ARHGAP12: variants seen among roughly 807,000 people sequenced by gnomAD.
ARHGAP12 encodes rho GTPase-activating protein 12.
In ARHGAP12, 64 loss-of-function variants were observed where a neutral mutation model predicts 108.6. The ratio of observed to expected loss-of-function variants is 0.59; its 90% CI spans 0.48 to 0.73. ARHGAP12 has a LOEUF of 0.73. ARHGAP12 is among the 30% of genes least tolerant of loss of function. The pLI, the probability that ARHGAP12 is intolerant of heterozygous loss-of-function variation, is 0.00. For missense variants in ARHGAP12, 940 were observed against 1,005.9 expected (o/e 0.93, Z 0.89); for synonymous variants, 312 against 337.2 (o/e 0.93, Z 0.82).
intron 1 of ARHGAP12, among the ~76,000 whole-genome samples, chr10:31,926,098 A>C (rs1008453188): frequency 6.6e-6 from 1 of 152,214 alleles, no homozygotes; most frequent in Non-Finnish European, 1.5e-5. Flanking sequence ...GACCAAGTGG[A>C]TATTAGAAGT....
chr10:31,831,730 T>C lies in ARHGAP12; in HGVS notation c.1448+9A>G, dbSNP rs756823409. 7.1e-6 allele frequency: 11 copies of C among 1,546,618 alleles called. No homozygotes were observed. The African/African-American group carries it at 1.1e-4, about 15-fold the overall frequency. On this transcript the variant is annotated intron_variant, in intron 10 of 19. Transcript: ENST00000344936. ...ATCATGTAAGAACATTAAAGACTTG[T>C]GTACTTACCGAACCTTTTTCCCATT...
intron 3 of ARHGAP12, among the ~76,000 whole-genome samples, chr10:31,882,191 T>C (rs1340851283): frequency 6.6e-6 from 1 of 152,228 alleles, no homozygotes; most frequent in Non-Finnish European, 1.5e-5. Flanking sequence ...TAGATGTTTT[T>C]ATATCAGATG....
In ARHGAP12 at chr10:31,875,006, T is replaced by A. The variant is rs61843857; in HGVS notation, c.685-13348A>T. On this transcript the variant is annotated intron_variant, in intron 3 of 19. Transcript: ENST00000344936. Reference sequence around the variant, plus strand: ...AAAAAAAAAAAAAAAAAAAAAATTTTCACACACATACTCATGTATCTGCCA... The same window carrying A: ...AAAAAAAAAAAAAAAAAAAAAATTTACACACACATACTCATGTATCTGCCA... Among the ~76,000 whole-genome samples, 21 of 119,172 alleles carry A rather than the reference T, an allele frequency of 1.8e-4. No individual in the cohort carries two copies. The East Asian group carries it at 6.9e-3, about 39-fold the overall frequency. The allele number at this position is 119,172 out of a possible 152,430, so 78.2% of individuals were successfully genotyped here. A position where few individuals can be genotyped will look rare whatever the true frequency, so the allele number is the denominator to read the frequency against.
intron 3 of ARHGAP12, among the ~76,000 whole-genome samples, chr10:31,905,957 C>A (rs1050733548): frequency 5.3e-5 from 8 of 152,124 alleles, no homozygotes; most frequent in African/African-American, 1.2e-4. Flanking sequence ...CTGATATGCA[C>A]ACCCCTGTGT....
intron 11 of ARHGAP12, among the ~76,000 whole-genome samples, chr10:31,825,594 C>T (rs1007522518): frequency 2.6e-5 from 4 of 152,188 alleles, no homozygotes; most frequent in Middle Eastern, 6.8e-3. Flanking sequence ...CTCATTTTCT[C>T]ATCTATGACG....
intron 3 of ARHGAP12, among the ~76,000 whole-genome samples, chr10:31,869,861 A>G (rs1373784457): frequency 6.6e-6 from 1 of 152,168 alleles, no homozygotes; most frequent in Non-Finnish European, 1.5e-5. Context: ...TTTACTTTTG[A>G]CATTAGTTCA....
chr10:31,920,098 T>C, intron 1 of ARHGAP12, among the ~76,000 whole-genome samples: 1 of 145,476 alleles, frequency 6.9e-6, no homozygotes, highest in African/African-American at 2.5e-5. Context: ...AGAGCAAGAC[T>C]CTGTCTCAAA....
At chr10:31,809,459 A>G in intron 16 of ARHGAP12, 152 bp from the exon 17 acceptor site, 2 of 669,966 alleles carry the variant, frequency 3.0e-6, no homozygotes, top group East Asian at 5.6e-5. Context: ...CTTCTGGTAG[A>G]TGCTTGGCAG....
intron 11 of ARHGAP12, among the ~76,000 whole-genome samples, chr10:31,824,473 A>G (rs1304543712): frequency 6.6e-5 from 10 of 152,178 alleles, no homozygotes; most frequent in Non-Finnish European, 1.5e-4. Context: ...CTATTGCCAC[A>G]TGGTAACAAA....
At chr10:31,913,634 CAA>C (rs111394509) in intron 1 of ARHGAP12, 27 of 92,742 alleles carry the variant, frequency 2.9e-4, no homozygotes, top group Non-Finnish European at 3.6e-4. Flanking sequence ...CCTGATGCTG[CAA>C]AAAAAAAAAA....
At chr10:31,917,495 A>G (rs1314913792) in intron 1 of ARHGAP12, among the ~76,000 whole-genome samples, 1 of 152,228 alleles carries the variant, frequency 6.6e-6, no homozygotes, top group Non-Finnish European at 1.5e-5. Context: ...TCTAGAAGAA[A>G]AACATTCACT....
At position 31,908,313 on chromosome 10, in the gene ARHGAP12, G is replaced by A. The variant is rs747315317; in HGVS notation, c.543C>T (p.Pro181=). 1.5e-5 allele frequency: 25 copies of A among 1,613,948 alleles called. No individual in the cohort carries two copies. The highest frequency in any genetic ancestry group is 6.7e-5 in the East Asian group (3 of 44,890). ...TCTCTACATCCAAGAACTCTGGACCGGGAAAATGACCAAATGAGCGTGTCC... is the reference window on the plus strand; with the variant it reads ...TCTCTACATCCAAGAACTCTGGACCAGGAAAATGACCAAATGAGCGTGTCC... The part of the protein sequence containing the change: ...QNRTRSFGHF[P]GPEFLDVEKT... Residue 181 remains proline, a synonymous_variant, in exon 3 of 20, where the codon CCC becomes CCT. Transcript: ENST00000344936.
intron 1 of ARHGAP12, among the ~76,000 whole-genome samples, chr10:31,914,883 T>A (rs1420512291): frequency 6.6e-6 from 1 of 152,212 alleles, no homozygotes; most frequent in Non-Finnish European, 1.5e-5. Context: ...GATATAGAAT[T>A]AATCTAACTG....
In ARHGAP12 at chr10:31,923,132, GAA is replaced by G. The variant is rs58930834; in HGVS notation, c.-111+5549_-111+5550del. Among the ~76,000 whole-genome samples, 200 of 83,212 alleles carry G rather than the reference GAA, an allele frequency of 2.4e-3. 1 individual carries two copies. The highest frequency in any genetic ancestry group is 0.01 in the African/African-American group (187 of 18,130). The allele number at this position is 83,212 out of a possible 152,430, so 54.6% of individuals were successfully genotyped here. On this transcript the variant is annotated intron_variant, in intron 1 of 19. Transcript: ENST00000344936. ...GGGTGACAGAGCAAGACCCTAACAG[GAA>G]AAAAAAAAAAAAAAAAAACAGGCAA...
At chr10:31,886,625 T>C (rs2799033) in intron 3 of ARHGAP12, among the ~76,000 whole-genome samples, 2 of 152,064 alleles carry the variant, frequency 1.3e-5, no homozygotes, top group African/African-American at 4.8e-5. Flanking sequence ...TATACTCCAA[T>C]GTACAGTAAA....
At chr10:31,818,503 T>TAAAATTAAA (rs1405341057) in intron 12 of ARHGAP12, among the ~76,000 whole-genome samples, 8 of 152,156 alleles carry the variant, frequency 5.3e-5, no homozygotes, top group African/African-American at 1.9e-4. Flanking sequence ...ATGTACAATC[T>TAAAATTAAA]CTGTTTTGCA....
At chr10:31,883,488 T>C (rs1433374850) in intron 3 of ARHGAP12, among the ~76,000 whole-genome samples, 1 of 152,176 alleles carries the variant, frequency 6.6e-6, no homozygotes, top group Non-Finnish European at 1.5e-5. Context: ...ACTAACATAG[T>C]AGAGGTATTT....
chr10:31,879,175 C>A (rs1178904707), intron 3 of ARHGAP12, among the ~76,000 whole-genome samples: 1 of 152,172 alleles, frequency 6.6e-6, no homozygotes, highest in African/African-American at 2.4e-5. Flanking sequence ...GTTGGGGAGG[C>A]CTAGGCAGGC....
chr10:31,878,215 T>C (rs573528757), intron 3 of ARHGAP12, among the ~76,000 whole-genome samples: 88 of 152,096 alleles, frequency 5.8e-4, no homozygotes, highest in African/African-American at 2.0e-3. Flanking sequence ...CAGAATAAGT[T>C]GAAAAAGAAA....
Sources: gnomAD v4.1 joint callset for allele counts (sites outside exome capture counted in the v4.1 genomes callset) on GRCh38, gnomAD v4.1.1 for gene constraint, MANE v1.5 for transcripts, NCBI Gene and HGNC (gene_info 2026-07-23, HGNC 2026-07-21) for gene names.